The following ALMS1 variants were observed in gnomAD, a reference collection of about 807,000 sequenced individuals.
ALMS1 encodes ALMS1 centrosome and basal body associated protein.
In ALMS1, 271 loss-of-function variants were observed where a neutral mutation model predicts 352.2. That is an observed-to-expected ratio of 0.77 (90% CI 0.70 to 0.85). The LOEUF is 0.85. Ranked by LOEUF, ALMS1 falls within the 40% of genes least tolerant of loss-of-function variation. ALMS1 has a pLI of 0.00. For synonymous variants in ALMS1, 1,865 were observed against 1,761.2 expected (o/e 1.06, Z -1.48); for missense variants, 5,445 against 4,870.7 (o/e 1.12, Z -3.51).
intron 7 of ALMS1, among the ~76,000 whole-genome samples, chr2:73,446,240 A>C (rs1009687650): frequency 6.6e-5 from 10 of 152,130 alleles, no homozygotes; most frequent in Non-Finnish European, 2.9e-5. Context: ...TGGGCTGTAC[A>C]TCTTAACTCC....
chr2:73,589,835 T>C (rs1675387432), intron 16 of ALMS1, among the ~76,000 whole-genome samples: 1 of 152,220 alleles, frequency 6.6e-6, no homozygotes, highest in South Asian at 2.1e-4. Context: ...TGCGTCTGTC[T>C]GAAACTGTCT....
chr2:73,413,455 A>C (rs1365001665), intron 2 of ALMS1, among the ~76,000 whole-genome samples: 2 of 152,044 alleles, frequency 1.3e-5, no homozygotes, highest in Non-Finnish European at 1.5e-5. Flanking sequence ...GGCACTATTG[A>C]CATTTTGGGT....
Position 73,572,767 on chromosome 2 carries a change from T to G in ALMS1, c.10890T>G (p.Asp3630Glu). 1 of 1,614,048 alleles carries G rather than the reference T, an allele frequency of 6.2e-7. No individual in the cohort carries two copies. Among genetic ancestry groups the G allele is most frequent in the Non-Finnish European group, 8.5e-7 (1 of 1,179,984 alleles). Residue 3630 changes from aspartate (D) to glutamate (E), a missense_variant, in exon 16 of 23, where the codon GAT (aspartate) becomes GAG (glutamate). By Grantham distance (45) the Asp-to-Glu change is conservative. Coordinates refer to ENST00000613296, the MANE Select transcript of ALMS1 (RefSeq NM_001378454.1). ...AACTGTCCTTGGTGGACCGACTTGA[T>G]CGTTTGGCTAAAATTCTTCAGAATC... ...RKELSLVDRL[D>E]RLAKILQNPI... is the part of the protein sequence containing the mutation.
At chr2:73,429,108 C>T (rs913222389) in intron 6 of ALMS1, among the ~76,000 whole-genome samples, 1 of 152,052 alleles carries the variant, frequency 6.6e-6, no homozygotes, top group Non-Finnish European at 1.5e-5. Flanking sequence ...TAACCTTATA[C>T]ATCGTACTAT....
rs560736902 is a variant in ALMS1 at position 73,453,503 on chromosome 2, A to G, written c.6976A>G (p.Ser2326Gly). Residue 2326 changes from serine (S) to glycine (G), a missense_variant, in exon 8 of 23, where the codon AGC becomes GGC. Ser to Gly is a moderately conservative substitution (Grantham distance 56). Coordinates refer to ENST00000613296, the MANE Select transcript of ALMS1 (RefSeq NM_001378454.1). ...TCACAGACAGCCATTCACAGAGGAA[A>G]GCCCAAGCAGCAGGTGCATACAGAA... ...LLHRQPFTEE[S>G]PSSRCIQKDI... 15 of 1,613,706 alleles carry G rather than the reference A, an allele frequency of 9.3e-6. No individual in the cohort carries two copies. Among genetic ancestry groups the G allele is most frequent in the East Asian group, 8.9e-5 (4 of 44,850 alleles).
chr2:73,488,585 C>A (rs1337851028), intron 9 of ALMS1, among the ~76,000 whole-genome samples: 1 of 152,146 alleles, frequency 6.6e-6, no homozygotes, highest in Non-Finnish European at 1.5e-5. Flanking sequence ...TCTGCCTGTT[C>A]CTGGCTCCCA....
intron 12 of ALMS1, among the ~76,000 whole-genome samples, chr2:73,539,595 C>T (rs995713019): frequency 6.6e-6 from 1 of 152,078 alleles, no homozygotes; most frequent in African/African-American, 2.4e-5. Context: ...GGAGGAAGTT[C>T]GAACCCATGG....
In ALMS1 at chr2:73,588,358, C is replaced by T. The variant is rs1026340104; in HGVS notation, c.11548-11043C>T. ...TTCTGTCTGCCTCTGCTCACCCACA[C>T]GTGCACTTGTGCCCCACATGCCCCA... On this transcript the variant is annotated intron_variant, in intron 16 of 22. Transcript: ENST00000613296. 1.4e-4 allele frequency among the ~76,000 whole-genome samples: 21 copies of T among 150,228 alleles called. 1 individual carries two copies. In the South Asian group the frequency reaches 2.5e-3, roughly 18 times the overall value.
intron 9 of ALMS1, among the ~76,000 whole-genome samples, chr2:73,465,318 CT>C (rs1169737209): frequency 2.7e-4 from 41 of 150,630 alleles, no homozygotes; most frequent in African/African-American, 1.0e-3. Context: ...GAACAGAGCC[CT>C]CAGAAATAAT....
At chr2:73,538,701 CCA>C (rs1674087831) in intron 12 of ALMS1, among the ~76,000 whole-genome samples, 1 of 152,176 alleles carries the variant, frequency 6.6e-6, no homozygotes, top group Non-Finnish European at 1.5e-5. Flanking sequence ...CTGCGCTTTT[CCA>C]ACGGGCTTAA....
intron 16 of ALMS1, among the ~76,000 whole-genome samples, chr2:73,597,440 C>G (rs917411696): frequency 2.0e-5 from 3 of 152,124 alleles, no homozygotes; most frequent in Admixed American, 6.5e-5. Context: ...AATAAAAAAG[C>G]AAACACCTAC....
intron 9 of ALMS1, among the ~76,000 whole-genome samples, chr2:73,463,982 T>A (rs1441468446): frequency 3.3e-5 from 5 of 152,056 alleles, no homozygotes; most frequent in Admixed American, 3.3e-4. Flanking sequence ...AAAGTCCAGG[T>A]CCAGATGGAA....
At chr2:73,585,657 GTGCT>G (rs1675295373) in intron 16 of ALMS1, among the ~76,000 whole-genome samples, 1 of 150,836 alleles carries the variant, frequency 6.6e-6, no homozygotes, top group African/African-American at 2.4e-5. Context: ...GCCTCCCAAA[GTGCT>G]GGGATTACAG....
At chr2:73,412,087 A>G (rs990850550) in intron 2 of ALMS1, among the ~76,000 whole-genome samples, 2 of 152,224 alleles carry the variant, frequency 1.3e-5, no homozygotes, top group African/African-American at 4.8e-5. Context: ...TATTGTAGGT[A>G]TAGGTTAAAC....
At chr2:73,473,611 G>A (rs923212194) in intron 9 of ALMS1, among the ~76,000 whole-genome samples, 30 of 152,102 alleles carry the variant, frequency 2.0e-4, no homozygotes, top group African/African-American at 6.3e-4. Context: ...TACTCAATGA[G>A]CTGAACAATA....
chr2:73,539,851 C>T (rs944262076), intron 12 of ALMS1, among the ~76,000 whole-genome samples: 17 of 151,972 alleles, frequency 1.1e-4, no homozygotes, highest in African/African-American at 3.9e-4. Context: ...AACAAAGCCT[C>T]CAAGAAATAT....
intron 1 of ALMS1, among the ~76,000 whole-genome samples, chr2:73,395,918 A>G (rs991620866): frequency 1.3e-5 from 2 of 152,140 alleles, no homozygotes; most frequent in African/African-American, 2.4e-5. Flanking sequence ...CATTGGAAGA[A>G]TTGTCTTGGG....
Position 73,451,137 on chromosome 2 carries a change from C to A in ALMS1, c.4610C>A (p.Ala1537Glu), listed in dbSNP as rs766908325. Residue 1537 changes from alanine to glutamate, a missense_variant, in exon 8 of 23, where the codon GCA becomes GAA. Transcript: ENST00000613296. ...AAGTCTGGCAGTTTCTACCAACTGG[C>A]ATTGCTAGGTAGTCAAATACCTGAA... Reference protein sequence around the residue: ...RAKSGSFYQLALLGSQIPEEA... With the variant: ...RAKSGSFYQLELLGSQIPEEA... 3 of 1,613,672 alleles carry A rather than the reference C, an allele frequency of 1.9e-6. No individual in the cohort carries two copies. The Admixed American group carries it at 5.0e-5, about 27-fold the overall frequency.
In ALMS1 at chr2:73,450,706, A is replaced by G. The variant is rs6546836; in HGVS notation, c.4179A>G (p.Gln1393=). The part of the protein sequence containing the change: ...QHTEKPSIFY[Q]QSLPGSHLTE... ...CAGAGAAGCCGAGTATTTTCTACCA[A>G]CAGTCGTTGCCAGGTAGTCATCTAA... The change falls in exon 8 of 23, where the codon CAA becomes CAG. Residue 1393 remains glutamine, a synonymous_variant. Coordinates refer to ENST00000613296, the MANE Select transcript of ALMS1 (RefSeq NM_001378454.1). 0.25 allele frequency: 407,059 copies of G among 1,612,754 alleles called. 61,871 individuals carry two copies. Among genetic ancestry groups the G allele is most frequent in the African/African-American group, 0.7 (52,234 of 74,538 alleles).
Sources: gnomAD v4.1 joint callset for allele counts (sites outside exome capture counted in the v4.1 genomes callset) on GRCh38, gnomAD v4.1.1 for gene constraint, MANE v1.5 for transcripts, NCBI Gene and HGNC (gene_info 2026-07-23, HGNC 2026-07-21) for gene names.